Variants in ZNF226 observed in about 807,000 individuals in gnomAD.
The protein encoded by ZNF226 is zinc finger protein 226.
In ZNF226, 6 loss-of-function variants were observed where a neutral mutation model predicts 11.4. That is an observed-to-expected ratio of 0.53 (90% confidence interval 0.29 to 1.04). ZNF226 has a LOEUF of 1.04. ZNF226 is among the 50% of genes least tolerant of loss of function. ZNF226 has a pLI of 0.08. For missense variants in ZNF226, 1,058 were observed against 956.5 expected (o/e 1.11, Z -1.40); for synonymous variants, 350 against 322.8 (o/e 1.08, Z -0.90).
the ZNF226 span, among the ~76,000 whole-genome samples, chr19:44,193,349 T>C: frequency 3.3e-5 from 5 of 152,038 alleles, no homozygotes; most frequent in African/African-American, 1.2e-4. Flanking sequence ...AATATACTAA[T>C]ATAAAATCAC....
At chr19:44,197,038 A>T in the ZNF226 span, among the ~76,000 whole-genome samples, 1 of 152,192 alleles carries the variant, frequency 6.6e-6, no homozygotes. Context: ...TTATCTTTAT[A>T]TATATGAAAC....
downstream of ZNF226, among the ~76,000 whole-genome samples, chr19:44,179,932 CA>C (rs1461529251): frequency 6.6e-6 from 1 of 151,204 alleles, no homozygotes; most frequent in Admixed American, 6.6e-5. Flanking sequence ...AAAAAAAATA[CA>C]AAAACTAGTC....
chr19:44,174,496 T>G (rs1970492307), intron 5 of ZNF226: 1 of 152,268 alleles, frequency 6.6e-6, no homozygotes, highest in Non-Finnish European at 1.5e-5. Context: ...AAAGTCCACA[T>G]TCATAAAAAG....
the ZNF226 span, among the ~76,000 whole-genome samples, chr19:44,185,334 T>A: frequency 3.3e-5 from 5 of 152,228 alleles, no homozygotes; most frequent in Non-Finnish European, 5.9e-5. Flanking sequence ...CATATTATTT[T>A]CCATAATGGC....
intron 3 of ZNF226, among the ~76,000 whole-genome samples, chr19:44,170,335 A>G (rs1028650477): frequency 6.6e-6 from 1 of 152,134 alleles, no homozygotes; most frequent in African/African-American, 2.4e-5. Flanking sequence ...AGTGGCTCAC[A>G]CCTGTAATCC....
Position 44,175,680 on chromosome 19 carries a change from A to G in ZNF226, c.418A>G (p.Ile140Val), listed in dbSNP as rs370112457. Residue 140 changes from isoleucine to valine, a missense_variant, in exon 6 of 6, where the codon ATT becomes GTT. Transcript: ENST00000337433. ...TTACCAGGTAGGGACAGAACTGTCT[A>G]TTCAAATTTCTGAAGATGAGAACTA... ...FPYQVGTELS[I>V]QISEDENYIV... 1.3e-5 allele frequency: 21 copies of G among 1,612,816 alleles called. No individual in the cohort carries two copies. In the African/African-American group the frequency reaches 2.5e-4, roughly 19 times the overall value.
rs1490134494 is a variant in ZNF226 at position 44,176,626 on chromosome 19, G to C, written c.1364G>C (p.Gly455Ala). ...TATAAATGTGAGGAATGTGGTAAAG[G>C]CTTTAGTCGGCCTTCAAGTCTTCAG... ...KPYKCEECGKGFSRPSSLQAH... is the reference protein window; with the variant it reads ...KPYKCEECGKAFSRPSSLQAH... Residue 455 changes from glycine (G) to alanine (A), a missense_variant, in exon 6 of 6, where the codon GGC (glycine) becomes GCC (alanine). By Grantham distance (60) the Gly-to-Ala change is moderately conservative (BLOSUM62 0). Transcript: ENST00000337433. 6.2e-7 allele frequency: 1 copy of C among 1,614,058 alleles called. No individual in the cohort carries two copies. The highest frequency in any genetic ancestry group is 1.1e-5 in the South Asian group (1 of 91,074).
intron 2 of ZNF226, among the ~76,000 whole-genome samples, chr19:44,166,097 T>G (rs953025869): frequency 9.2e-5 from 14 of 152,208 alleles, no homozygotes; most frequent in East Asian, 3.8e-4. Context: ...GACCTGAGTC[T>G]TCTTTGGTAT....
chr19:44,179,920 TAAAA>T, downstream of ZNF226, among the ~76,000 whole-genome samples: 1 of 149,976 alleles, frequency 6.7e-6, no homozygotes, highest in South Asian at 2.1e-4. Flanking sequence ...CCATCACTAT[TAAAA>T]AAAAATACAA....
At chr19:44,173,114 A>C in intron 5 of ZNF226, 162 bp downstream of exon 5, 2 of 625,574 alleles carry the variant, frequency 3.2e-6, no homozygotes, top group Admixed American at 3.1e-5. Flanking sequence ...CTCCTCTTAC[A>C]TTCTGTTCTT....
chr19:44,169,697 C>G (rs1404931866), intron 2 of ZNF226: 1 of 175,374 alleles, frequency 5.7e-6, no homozygotes, highest in East Asian at 1.5e-4. Context: ...ATAGTTTCCC[C>G]AAGGTGACGC....
At chr19:44,189,936 C>T in the ZNF226 span, among the ~76,000 whole-genome samples, 90 of 152,304 alleles carry the variant, frequency 5.9e-4, no homozygotes, top group African/African-American at 2.0e-3. Context: ...TTTCTAGCTT[C>T]AGCTTACAGG....
intron 2 of ZNF226, 150 bp from the exon 3 acceptor site, chr19:44,169,885 T>A (rs778655523): frequency 1.6e-4 from 78 of 489,354 alleles, no homozygotes; most frequent in Non-Finnish European, 2.4e-4. Context: ...GGTAGTTGGA[T>A]ATCTGGGATC....
At chr19:44,170,008 T>G in intron 2 of ZNF226, 27 bp from the exon 3 acceptor site, 1 of 1,524,734 alleles carries the variant, frequency 6.6e-7, no homozygotes, top group Non-Finnish European at 8.9e-7. Flanking sequence ...TTACCCAGTT[T>G]TGATTTATTT....
chr19:44,176,524 G>A lies in ZNF226; in HGVS notation c.1262G>A (p.Cys421Tyr), dbSNP rs1375726437. ...RVHTGEKPYK[C>Y]EECGKGFICS... The stretch of plus-strand genomic sequence containing the variant: ...CATACAGGAGAGAAACCATACAAAT[G>A]TGAGGAGTGTGGTAAGGGCTTCATT... Residue 421 changes from cysteine to tyrosine, a missense_variant, in exon 6 of 6, where the codon TGT becomes TAT. By Grantham distance (194) the Cys-to-Tyr change is radical. Coordinates refer to ENST00000337433, the MANE Select transcript of ZNF226 (RefSeq NM_001032373.2). 1 of 1,614,170 alleles carries A rather than the reference G, an allele frequency of 6.2e-7. No individual in the cohort carries two copies. The highest frequency in any genetic ancestry group is 8.5e-7 in the Non-Finnish European group (1 of 1,180,034).
At chr19:44,197,137 A>T in the ZNF226 span, among the ~76,000 whole-genome samples, 1 of 152,134 alleles carries the variant, frequency 6.6e-6, no homozygotes, top group Admixed American at 6.5e-5. Flanking sequence ...GCAATTGTTT[A>T]CTTATTTTGT....
At chr19:44,198,081 T>G in the ZNF226 span, among the ~76,000 whole-genome samples, 1 of 152,324 alleles carries the variant, frequency 6.6e-6, no homozygotes, top group African/African-American at 2.4e-5. Flanking sequence ...TCTTAAGAGA[T>G]TTCTCCATTT....
In ZNF226 at chr19:44,177,117, G is replaced by T. The variant is rs375555242; in HGVS notation, c.1855G>T (p.Glu619Ter). 6 of 1,613,964 alleles carry T rather than the reference G, an allele frequency of 3.7e-6. No homozygotes were observed. Among genetic ancestry groups the T allele is most frequent in the Non-Finnish European group, 5.1e-6 (6 of 1,180,000 alleles). ...AGGAGAGAAACCATATAATTGTGAGGAGTGTGGGAAGGTCTTCAGGCAGGC... is the reference window on the plus strand; with the variant it reads ...AGGAGAGAAACCATATAATTGTGAGTAGTGTGGGAAGGTCTTCAGGCAGGC... ...HTGEKPYNCEECGKVFRQASN... is the reference protein window; with the variant it reads ...HTGEKPYNCE Residue 619 changes from glutamate (E) to a stop codon, truncating the protein, a stop_gained, in exon 6 of 6, where the codon GAG becomes TAG. Coordinates refer to ENST00000337433, the MANE Select transcript of ZNF226 (RefSeq NM_001032373.2). LOFTEE classifies it low-confidence loss of function (END_TRUNC).
chr19:44,169,321 A>C (rs949726206), intron 2 of ZNF226, among the ~76,000 whole-genome samples: 2 of 152,030 alleles, frequency 1.3e-5, no homozygotes, highest in African/African-American at 4.8e-5. Flanking sequence ...AGGTTCCTGC[A>C]TTTTTAATTT....
Sources: allele counts gnomAD v4.1 joint callset (sites outside exome capture counted in the v4.1 genomes callset), GRCh38; gene constraint gnomAD v4.1.1; transcripts MANE v1.5; gene names NCBI Gene and HGNC (gene_info 2026-07-23, HGNC 2026-07-21).